RAD18: variants seen among roughly 807,000 people sequenced by gnomAD.
RAD18 encodes the protein E3 ubiquitin-protein ligase RAD18.
RAD18 carries 47 observed loss-of-function variants against 60.4 expected under a neutral mutation model. The ratio of observed to expected loss-of-function variants is 0.78; its 90% confidence interval spans 0.62 to 0.99. The LOEUF is 0.99. Among genes scored for constraint, RAD18 ranks in the 50% least tolerant of loss-of-function variants. The pLI, the probability that RAD18 is intolerant of heterozygous loss-of-function variation, is 0.00. For synonymous variants in RAD18, 225 were observed against 195.5 expected (o/e 1.15, Z -1.26); for missense variants, 640 against 593.3 (o/e 1.08, Z -0.82).
intron 2 of RAD18, among the ~76,000 whole-genome samples, chr3:8,952,352 T>C (rs1394166016): frequency 6.6e-6 from 1 of 152,166 alleles, no homozygotes; most frequent in African/African-American, 2.4e-5. Context: ...AATGCTGTTC[T>C]CTTTATACTA....
intron 11 of RAD18, among the ~76,000 whole-genome samples, chr3:8,897,371 C>A (rs1939805294): frequency 6.6e-6 from 1 of 152,134 alleles, no homozygotes; most frequent in Admixed American, 6.5e-5. Flanking sequence ...TGAAAATTTC[C>A]TCTACCACTT....
intron 9 of RAD18, among the ~76,000 whole-genome samples, chr3:8,903,536 A>G (rs974486014): frequency 1.3e-5 from 2 of 152,144 alleles, no homozygotes; most frequent in African/African-American, 4.8e-5. Flanking sequence ...TACTAACTCT[A>G]ATCTTTATTT....
intron 5 of RAD18, among the ~76,000 whole-genome samples, chr3:8,940,067 G>A (rs369497670): frequency 9.5e-4 from 144 of 152,342 alleles, no homozygotes; most frequent in African/African-American, 3.0e-3. Flanking sequence ...CCCAAGGGCC[G>A]AGTGAAGGAA....
rs534598136 is a variant in RAD18 at position 8,906,152 on chromosome 3, G to T, written c.1028-3632C>A. On this transcript the variant is annotated intron_variant, in intron 9 of 12. Coordinates refer to ENST00000264926, the MANE Select transcript of RAD18 (RefSeq NM_020165.4). ...AAGAGAATAGAAAGTATCAGAATGCGTTAAAAATGGAAAAGGTAAATACCA... is the reference window on the plus strand; with the variant it reads ...AAGAGAATAGAAAGTATCAGAATGCTTTAAAAATGGAAAAGGTAAATACCA... Among the ~76,000 whole-genome samples the T allele has an allele frequency of 2.2e-4, 34 of 152,212 alleles. No homozygotes were observed. In the South Asian group the frequency reaches 6.6e-3, roughly 30 times the overall value.
rs1940752416 is a variant in RAD18, at chr3:8,941,793, A to C, written c.278T>G (p.Leu93Arg). ...GGCTGGTGACTCTAAAGCAAACTGC[A>C]GCAGATGATTCCTTGAAGCACAAAG... ...KSLNFARNHL[L>R]QFALESPAKS... is the part of the protein sequence containing the mutation. The change falls in exon 5 of 13, where the codon CTG (leucine) becomes CGG (arginine). Residue 93 changes from leucine to arginine, a missense_variant. Physicochemically the swap from Leu to Arg is moderately radical, Grantham distance 102. Coordinates refer to ENST00000264926, the MANE Select transcript of RAD18 (RefSeq NM_020165.4). 1.2e-6 allele frequency: 2 copies of C among 1,610,702 alleles called. No individual in the cohort carries two copies. Among genetic ancestry groups the C allele is most frequent in the South Asian group, 1.1e-5 (1 of 90,862 alleles).
chr3:8,882,653 C>A (rs1383757371), intron 12 of RAD18, among the ~76,000 whole-genome samples: 1 of 152,160 alleles, frequency 6.6e-6, no homozygotes, highest in African/African-American at 2.4e-5. Context: ...CTATTTGGTG[C>A]AGGAAAGCAA....
At chr3:8,903,019 C>A (rs890886173) in intron 9 of RAD18, among the ~76,000 whole-genome samples, 2 of 150,524 alleles carry the variant, frequency 1.3e-5, no homozygotes, top group Admixed American at 1.3e-4. Context: ...GGGCAAGACT[C>A]TGTCTCAAAA....
Position 8,881,234 on chromosome 3 carries a change from G to A in RAD18, c.*123C>T. ...GAAAAGCAGAAAAGAATGAATATCA[G>A]CTAACCGTAATATTTAGAATTTAGC... On this transcript the variant is annotated 3_prime_UTR_variant, in exon 13 of 13. Transcript: ENST00000264926. 3.8e-6 allele frequency: 3 copies of A among 790,932 alleles called. No individual in the cohort carries two copies. Among genetic ancestry groups the A allele is most frequent in the Non-Finnish European group, 6.0e-6 (3 of 500,958 alleles). The allele number at this position is 790,932 out of a possible 1,614,324, so 49.0% of individuals were successfully genotyped here.
chr3:8,957,827 C>T (rs1941037017), intron 2 of RAD18, among the ~76,000 whole-genome samples: 1 of 152,172 alleles, frequency 6.6e-6, no homozygotes, highest in Non-Finnish European at 1.5e-5. Context: ...ATCTTAATTG[C>T]AGTAGTAACA....
chr3:8,939,252 T>TA, intron 6 of RAD18, among the ~76,000 whole-genome samples: 1 of 152,266 alleles, frequency 6.6e-6, no homozygotes, highest in South Asian at 2.1e-4. Flanking sequence ...TGGTAGTTTT[T>TA]AAAATCTAAG....
At chr3:8,932,570 T>C (rs1251865312) in intron 7 of RAD18, among the ~76,000 whole-genome samples, 1 of 151,974 alleles carries the variant, frequency 6.6e-6, no homozygotes, top group Non-Finnish European at 1.5e-5. Context: ...AATGATTCAG[T>C]CATTTGAAAA....
At position 8,877,579 on chromosome 3, in the gene RAD18, T is replaced by A. The variant is rs1238524780; in HGVS notation, c.*3778A>T. 1 of 152,188 alleles carries A rather than the reference T, an allele frequency of 6.6e-6. No individual in the cohort carries two copies. The highest frequency in any genetic ancestry group is 1.9e-4 in the East Asian group (1 of 5,186). 9.4% of individuals were successfully genotyped at this position (152,188 alleles called of 1,614,324 possible). On this transcript the variant is annotated 3_prime_UTR_variant, in exon 13 of 13. Transcript: ENST00000264926. ...TTTCAAGCTTTCTATGGCAAGAGTT[T>A]ATAGGCAAAAACAAAATCCGTCCAT...
At chr3:8,903,201 T>C (rs1426260056) in intron 9 of RAD18, among the ~76,000 whole-genome samples, 1 of 152,156 alleles carries the variant, frequency 6.6e-6, no homozygotes, top group Non-Finnish European at 1.5e-5. Context: ...TATGGAAACA[T>C]GATATTCCTA....
At position 8,957,622 on chromosome 3, in the gene RAD18, T is replaced by C. The variant is rs541423277; in HGVS notation, c.133+1298A>G. ...TTCCTGTTCTCTATTTTCAAGTTGA[T>C]TTATCTTGGAAAGCTAAAGCAACAG... On this transcript the variant is annotated intron_variant, in intron 2 of 12. Transcript: ENST00000264926. 3.3e-5 allele frequency among the ~76,000 whole-genome samples: 5 copies of C among 152,346 alleles called. No homozygotes were observed. In the South Asian group the frequency reaches 1.0e-3, roughly 32 times the overall value.
intron 7 of RAD18, among the ~76,000 whole-genome samples, chr3:8,931,957 C>CTT (rs1940567069): frequency 6.6e-6 from 1 of 152,060 alleles, no homozygotes; most frequent in Admixed American, 6.5e-5. Flanking sequence ...TTTAAATAAA[C>CTT]TTTGACATTT....
chr3:8,916,236 G>C (rs963803863), intron 7 of RAD18, among the ~76,000 whole-genome samples: 4 of 152,186 alleles, frequency 2.6e-5, no homozygotes, highest in African/African-American at 7.2e-5. Flanking sequence ...CAGTGAGAGA[G>C]GGGCAGGATC....
intron 8 of RAD18, 80 bp downstream of exon 8, chr3:8,913,561 TTAA>T (rs993109362): frequency 9.8e-7 from 1 of 1,018,262 alleles, no homozygotes; most frequent in Non-Finnish European, 1.4e-6. Flanking sequence ...ATGAATAAAT[TTAA>T]TAATGGCTTG....
chr3:8,911,507 T>C (rs915524635), intron 9 of RAD18, among the ~76,000 whole-genome samples: 1 of 152,174 alleles, frequency 6.6e-6, no homozygotes, highest in Non-Finnish European at 1.5e-5. Flanking sequence ...AGAACAATGG[T>C]GACTTTTGTT....
In RAD18 at chr3:8,939,357, T is replaced by C. The variant is rs555291280; in HGVS notation, c.704+197A>G. 3.9e-5 allele frequency among the ~76,000 whole-genome samples: 6 copies of C among 152,270 alleles called. No homozygotes were observed. The East Asian group carries it at 1.2e-3, about 29-fold the overall frequency. The stretch of plus-strand genomic sequence containing the variant: ...CAGTTCAAATATTCAATATAGCTAA[T>C]CATATTTGGCAAAGTGGGAGTTGAA... On this transcript the variant is annotated intron_variant, in intron 6 of 12. Transcript: ENST00000264926.
Sources: gnomAD v4.1 joint callset for allele counts (sites outside exome capture counted in the v4.1 genomes callset) on GRCh38, gnomAD v4.1.1 for gene constraint, MANE v1.5 for transcripts, NCBI Gene and HGNC (gene_info 2026-07-23, HGNC 2026-07-21) for gene names.